The following SAMMSON variants were observed in gnomAD, a reference collection of about 807,000 sequenced individuals.
SAMMSON encodes survival associated mitochondrial melanoma specific oncogenic non-coding RNA.
At chr3:70,242,300 G>A (rs952355579) in intron 4 of SAMMSON, among the ~76,000 whole-genome samples, 1 of 152,118 alleles carries the variant, frequency 6.6e-6, no homozygotes. Flanking sequence ...GAAATGGTGG[G>A]AAAAACACAT....
chr3:70,338,471 T>C (rs1162887339), intron 7 of SAMMSON, among the ~76,000 whole-genome samples: 1 of 152,086 alleles, frequency 6.6e-6, no homozygotes, highest in East Asian at 1.9e-4. Flanking sequence ...TGTCCGTGTT[T>C]GCAGATGACA....
intron 3 of SAMMSON, among the ~76,000 whole-genome samples, chr3:70,049,717 G>A (rs1345476602): frequency 1.3e-5 from 2 of 151,936 alleles, no homozygotes; most frequent in African/African-American, 4.8e-5. Context: ...CAAACAACAT[G>A]ACAGGAAATG....
chr3:70,434,060 CTTGAAGCTGGGTTA>C (rs1408484319), intron 2 of SAMMSON, among the ~76,000 whole-genome samples: 1 of 152,156 alleles, frequency 6.6e-6, no homozygotes, highest in African/African-American at 2.4e-5. Flanking sequence ...ATAAGCAATT[CTTGAAGCTGGGTTA>C]TAACCGTCCT....
At chr3:70,431,945 A>T (rs1701417094) in intron 2 of SAMMSON, among the ~76,000 whole-genome samples, 1 of 152,062 alleles carries the variant, frequency 6.6e-6, no homozygotes, top group Non-Finnish European at 1.5e-5. Flanking sequence ...TACATTTCAA[A>T]CATATACCAC....
intron 3 of SAMMSON, among the ~76,000 whole-genome samples, chr3:70,036,651 G>A (rs1047416812): frequency 6.6e-6 from 1 of 152,122 alleles, no homozygotes. Flanking sequence ...CACTGTGGGA[G>A]AACCTGTCTC....
At chr3:70,059,014 C>A (rs1273912949) in intron 3 of SAMMSON, among the ~76,000 whole-genome samples, 2 of 151,978 alleles carry the variant, frequency 1.3e-5, no homozygotes, top group Non-Finnish European at 2.9e-5. Flanking sequence ...GGCTAGTTGA[C>A]CTGTTTAAGT....
chr3:70,029,006 A>G (rs2067053855), intron 3 of SAMMSON, among the ~76,000 whole-genome samples: 1 of 152,150 alleles, frequency 6.6e-6, no homozygotes, highest in African/African-American at 2.4e-5. Context: ...TGACTAGGAG[A>G]TCTGGTATTT....
intron 6 of SAMMSON, among the ~76,000 whole-genome samples, chr3:70,268,228 TG>T (rs1372009266): frequency 1.3e-5 from 2 of 152,200 alleles, no homozygotes; most frequent in East Asian, 1.9e-4. Context: ...CCCAGCACTT[TG>T]GGGGGCCAAG....
chr3:70,087,695 A>G (rs1470659641), intron 4 of SAMMSON, among the ~76,000 whole-genome samples: 5 of 152,156 alleles, frequency 3.3e-5, no homozygotes. Flanking sequence ...TATCCTTGTT[A>G]TTTATCATCA....
intron 3 of SAMMSON, among the ~76,000 whole-genome samples, chr3:70,047,756 C>G (rs1415144453): frequency 1.3e-5 from 2 of 152,076 alleles, no homozygotes; most frequent in African/African-American, 2.4e-5. Flanking sequence ...GATCAAGGTG[C>G]CTGCTTCTTG....
chr3:70,276,373 A>C (rs1251417686), intron 6 of SAMMSON, among the ~76,000 whole-genome samples: 1 of 152,220 alleles, frequency 6.6e-6, no homozygotes, highest in Admixed American at 6.5e-5. Flanking sequence ...CTGGAAATGT[A>C]TGTTAATTCT....
intron 3 of SAMMSON, among the ~76,000 whole-genome samples, chr3:70,031,797 T>C (rs1021065291): frequency 6.6e-6 from 1 of 152,206 alleles, no homozygotes; most frequent in East Asian, 1.9e-4. Flanking sequence ...TAAAACACTG[T>C]AGACCGACAG....
At chr3:70,139,715 G>GTTTGAATTCTT (rs1258272574) in intron 4 of SAMMSON, among the ~76,000 whole-genome samples, 4 of 152,142 alleles carry the variant, frequency 2.6e-5, no homozygotes, top group Admixed American at 2.6e-4. Flanking sequence ...TCGGCCCCCT[G>GTTTGAATTCTT]GGTGTTTGAA....
chr3:70,336,526 G>A (rs936343630), intron 7 of SAMMSON, among the ~76,000 whole-genome samples: 1 of 151,932 alleles, frequency 6.6e-6, no homozygotes, highest in African/African-American at 2.4e-5. Context: ...GGAGAAATTT[G>A]TGGGAGTCAG....
intron 1 of SAMMSON, among the ~76,000 whole-genome samples, chr3:70,012,183 G>C (rs1314283336): frequency 6.6e-6 from 1 of 152,022 alleles, no homozygotes. Context: ...TGGTCCCTGG[G>C]GAAGGTAAAA....
intron 6 of SAMMSON, among the ~76,000 whole-genome samples, chr3:70,255,284 T>C (rs749457051): frequency 1.3e-5 from 2 of 152,218 alleles, no homozygotes; most frequent in Non-Finnish European, 2.9e-5. Context: ...ACAAAACTTC[T>C]ATGAAAAAAC....
At chr3:70,155,493 G>A (rs530992724) in intron 4 of SAMMSON, among the ~76,000 whole-genome samples, 2 of 151,974 alleles carry the variant, frequency 1.3e-5, no homozygotes, top group African/African-American at 4.8e-5. Flanking sequence ...GTACCTGTCT[G>A]GGTATAAAAT....
intron 4 of SAMMSON, among the ~76,000 whole-genome samples, chr3:70,156,782 A>G (rs980255859): frequency 6.6e-6 from 1 of 152,060 alleles, no homozygotes; most frequent in Non-Finnish European, 1.5e-5. Flanking sequence ...AAGGGGAAAT[A>G]TTCTTACAAA....
intron 4 of SAMMSON, among the ~76,000 whole-genome samples, chr3:70,142,718 T>G (rs1182428315): frequency 2.0e-5 from 3 of 152,108 alleles, no homozygotes; most frequent in Admixed American, 1.3e-4. Flanking sequence ...AAAATAAAAT[T>G]TATTAATTTT....
Sources: gnomAD v4.1 joint callset for allele counts (sites outside exome capture counted in the v4.1 genomes callset) on GRCh38, gnomAD v4.1.1 for gene constraint, MANE v1.5 for transcripts, NCBI Gene and HGNC (gene_info 2026-07-23, HGNC 2026-07-21) for gene names.